Variants in SVEP1 observed in about 807,000 individuals in gnomAD.
The protein encoded by SVEP1 is sushi, von Willebrand factor type A, EGF and pentraxin domain-containing protein 1.
In SVEP1, 164 loss-of-function variants were observed where a neutral mutation model predicts 367.3. The ratio of observed to expected loss-of-function variants is 0.45; its 90% CI spans 0.39 to 0.51. The LOEUF is 0.51. Ranked by LOEUF, SVEP1 falls within the 20% of genes least tolerant of loss-of-function variation. The pLI, the probability that SVEP1 is intolerant of heterozygous loss-of-function variation, is 0.00. For missense variants in SVEP1, 4,117 were observed against 4,425.3 expected (o/e 0.93, Z 1.98); for synonymous variants, 1,666 against 1,611.6 (o/e 1.03, Z -0.81).
intron 40 of SVEP1, 51 bp downstream of exon 40, chr9:110,400,803 A>C: frequency 1.9e-6 from 3 of 1,547,948 alleles, no homozygotes; most frequent in Non-Finnish European, 2.6e-6. Flanking sequence ...AAGTATCCCC[A>C]AGTATATTGG....
intron 36 of SVEP1, among the ~76,000 whole-genome samples, chr9:110,415,034 T>A (rs574835600): frequency 1.3e-5 from 2 of 152,116 alleles, no homozygotes; most frequent in South Asian, 4.1e-4. Context: ...GAGAAACAAA[T>A]GACCACTTAC....
In SVEP1 at chr9:110,458,520, G is replaced by A; in HGVS notation, c.3527C>T (p.Pro1176Leu). The A allele has an allele frequency of 6.2e-7, 1 of 1,612,886 alleles. No homozygotes were observed. The highest frequency in any genetic ancestry group is 1.6e-4 in the Middle Eastern group (1 of 6,062). ...TFSAAEESVVPPASLGHIKKR... is the reference protein window; with the variant it reads ...TFSAAEESVVLPASLGHIKKR... ...TTTAATATGTCCAAGAGAGGCAGGG[G>A]GCACCACACTTTCCTCTGCCGCTGA... Residue 1176 changes from proline to leucine, a missense_variant, in exon 20 of 48, where the codon CCC becomes CTC. Transcript: ENST00000374469.
At chr9:110,460,244 A>G (rs979873621) in intron 18 of SVEP1, among the ~76,000 whole-genome samples, 2 of 152,190 alleles carry the variant, frequency 1.3e-5, no homozygotes, top group African/African-American at 2.4e-5. Context: ...GTTTTTAATC[A>G]TCTTATGGTC....
At chr9:110,475,445 A>C (rs1053375695) in intron 14 of SVEP1, among the ~76,000 whole-genome samples, 1 of 152,188 alleles carries the variant, frequency 6.6e-6, no homozygotes, top group African/African-American at 2.4e-5. Flanking sequence ...GCTAGTAGGT[A>C]GTGAGGCTAG....
At chr9:110,553,368 T>C in intron 1 of SVEP1, among the ~76,000 whole-genome samples, 1 of 152,240 alleles carries the variant, frequency 6.6e-6, no homozygotes, top group East Asian at 1.9e-4. Context: ...TCACAAAATG[T>C]AAATTAAATT....
intron 36 of SVEP1, among the ~76,000 whole-genome samples, chr9:110,424,607 T>G (rs186365650): frequency 4.4e-4 from 67 of 152,344 alleles, no homozygotes; most frequent in African/African-American, 1.2e-3. Flanking sequence ...GAATTTAACA[T>G]GCACTTTTAT....
chr9:110,457,365 T>C lies in SVEP1; in HGVS notation c.3577-13A>G, dbSNP rs764414958. 7 of 1,593,436 alleles carry C rather than the reference T, an allele frequency of 4.4e-6. No individual in the cohort carries two copies. In the African/African-American group the frequency reaches 9.4e-5, roughly 21 times the overall value. On this transcript the variant is annotated splice_polypyrimidine_tract_variant and intron_variant, in intron 20 of 47. Transcript: ENST00000374469. Reference sequence around the variant, plus strand: ...ATTCATGGAAAACCTACCAGTAGCATAAAAAAATCAATCAGAGACAAAGCA... The same window carrying C: ...ATTCATGGAAAACCTACCAGTAGCACAAAAAAATCAATCAGAGACAAAGCA...
chr9:110,505,088 G>A (rs559728130), intron 5 of SVEP1, among the ~76,000 whole-genome samples: 6 of 152,134 alleles, frequency 3.9e-5, no homozygotes, highest in African/African-American at 1.2e-4. Context: ...CAGAAAAAGT[G>A]CCACGAGTTA....
At chr9:110,576,009 C>T (rs749288415) in intron 1 of SVEP1, among the ~76,000 whole-genome samples, 2 of 152,096 alleles carry the variant, frequency 1.3e-5, no homozygotes, top group Non-Finnish European at 2.9e-5. Context: ...TGGTCTGAAC[C>T]CCAGGTCCTG....
In SVEP1 at chr9:110,561,219, C is replaced by T. The variant is rs574730550; in HGVS notation, c.532-11115G>A. Among the ~76,000 whole-genome samples the T allele has an allele frequency of 2.6e-5, 4 of 152,186 alleles. 1 individual carries two copies. Among genetic ancestry groups the T allele is most frequent in the African/African-American group, 9.6e-5 (4 of 41,532 alleles). The stretch of plus-strand genomic sequence containing the variant: ...AATTCTTAACAACTCTTTCCACCTC[C>T]CAATACATCCACCTCTGATTTTTAC... On this transcript the variant is annotated intron_variant, in intron 1 of 47. Coordinates refer to ENST00000374469, the MANE Select transcript of SVEP1 (RefSeq NM_153366.4).
At chr9:110,404,216 G>T in intron 39 of SVEP1, 111 bp downstream of exon 39, 1 of 1,056,238 alleles carries the variant, frequency 9.5e-7, no homozygotes, top group Non-Finnish European at 1.4e-6. Context: ...TTTGAAATGA[G>T]TGAAAACTTC....
intron 1 of SVEP1, among the ~76,000 whole-genome samples, chr9:110,561,117 C>T (rs1010106454): frequency 1.2e-4 from 19 of 152,146 alleles, no homozygotes; most frequent in Admixed American, 5.2e-4. Flanking sequence ...CCCACTTTTG[C>T]ACTCGATTTT....
At chr9:110,507,078 G>C (rs10125989) in intron 5 of SVEP1, among the ~76,000 whole-genome samples, 1,663 of 152,072 alleles carry the variant, frequency 0.011, 32 homozygotes, top group African/African-American at 0.036. Context: ...CCAAATGATG[G>C]GGACGTATAT....
chr9:110,380,369 A>C (rs1361496519), intron 43 of SVEP1, among the ~76,000 whole-genome samples: 2 of 152,136 alleles, frequency 1.3e-5, no homozygotes, highest in African/African-American at 4.8e-5. Context: ...TGTTGTCATA[A>C]TACTACCATA....
At chr9:110,544,774 A>G (rs1830197100) in intron 3 of SVEP1, among the ~76,000 whole-genome samples, 1 of 147,900 alleles carries the variant, frequency 6.8e-6, no homozygotes, top group South Asian at 2.2e-4. Flanking sequence ...TGTTGGGAAC[A>G]TTCGAATCCT....
intron 3 of SVEP1, among the ~76,000 whole-genome samples, chr9:110,539,361 C>T (rs1160344969): frequency 6.6e-6 from 1 of 152,088 alleles, no homozygotes; most frequent in Non-Finnish European, 1.5e-5. Flanking sequence ...AAGGAGAGGT[C>T]AAGTCATGCT....
rs116159392 is a variant in SVEP1 at position 110,407,536 on chromosome 9, T to C, written c.8064A>G (p.Gly2688=). The part of the protein sequence containing the change: ...GTMVSYTCNP[G]YELLGNPVLI... ...GCACAGGGTTCCCCAGAAGTTCATA[T>C]CCTGGATTACAGGTGTATGAAACCA... Residue 2688 remains glycine (G), a synonymous_variant, in exon 38 of 48, where the codon GGA becomes GGG. Coordinates refer to ENST00000374469, the MANE Select transcript of SVEP1 (RefSeq NM_153366.4). The C allele has an allele frequency of 7.0e-3, 11,313 of 1,613,934 alleles. 680 individuals carry two copies. In the African/African-American group the frequency reaches 0.13, roughly 18 times the overall value.
At chr9:110,454,840 T>C (rs1461891130) in intron 22 of SVEP1, among the ~76,000 whole-genome samples, 1 of 152,180 alleles carries the variant, frequency 6.6e-6, no homozygotes, top group Non-Finnish European at 1.5e-5. Flanking sequence ...GCTGCAAAAC[T>C]ACATATTAGG....
chr9:110,562,663 G>A lies in SVEP1; in HGVS notation c.532-12559C>T, dbSNP rs550523806. Among the ~76,000 whole-genome samples, 6 of 152,172 alleles carry A rather than the reference G, an allele frequency of 3.9e-5. No individual in the cohort carries two copies. In the East Asian group the frequency reaches 1.2e-3, roughly 29 times the overall value. On this transcript the variant is annotated intron_variant, in intron 1 of 47. Coordinates refer to ENST00000374469, the MANE Select transcript of SVEP1 (RefSeq NM_153366.4). ...GCATTCTTATTAAATTCAAGAACAA[G>A]GCAAGAATGCCTCATCACTTTTTTA...
Sources: gnomAD v4.1 joint callset for allele counts (sites outside exome capture counted in the v4.1 genomes callset) on GRCh38, gnomAD v4.1.1 for gene constraint, MANE v1.5 for transcripts, NCBI Gene and HGNC (gene_info 2026-07-23, HGNC 2026-07-21) for gene names.